The following OPCML variants were observed in gnomAD, a reference collection of about 807,000 sequenced individuals.
The protein encoded by OPCML is opioid-binding protein/cell adhesion molecule.
Under a neutral mutation model 37.8 loss-of-function variants are expected in OPCML, and 13 were observed. The observed-to-expected ratio is 0.34, with a 90% CI of 0.22 to 0.55. OPCML has a LOEUF of 0.55. Ranked by LOEUF, OPCML falls within the 20% of genes least tolerant of loss-of-function variation. The probability of loss-of-function intolerance (pLI) is 0.91; values close to 1 mark genes in which losing one functional copy is unlikely to be tolerated. For synonymous variants in OPCML, 176 were observed against 168.8 expected (o/e 1.04, Z -0.33); for missense variants, 341 against 435.6 (o/e 0.78, Z 1.93).
At chr11:133,180,239 G>A (rs1472405368) in intron 1 of OPCML, among the ~76,000 whole-genome samples, 10 of 152,200 alleles carry the variant, frequency 6.6e-5, no homozygotes, top group East Asian at 1.9e-4. Context: ...CTGCCGTAGC[G>A]GACCCTCACG....
intron 2 of OPCML, among the ~76,000 whole-genome samples, chr11:132,877,192 T>G (rs1308861750): frequency 6.6e-6 from 1 of 152,142 alleles, no homozygotes; most frequent in African/African-American, 2.4e-5. Flanking sequence ...AATGTGAGAT[T>G]CATCTTTTCA....
intron 1 of OPCML, among the ~76,000 whole-genome samples, chr11:133,495,558 A>C (rs1947767525): frequency 2.0e-5 from 3 of 152,162 alleles, no homozygotes; most frequent in Non-Finnish European, 4.4e-5. Context: ...CATCCACACC[A>C]GCATCTACCG....
At chr11:132,501,130 A>G (rs569100627) in intron 4 of OPCML, among the ~76,000 whole-genome samples, 18 of 152,348 alleles carry the variant, frequency 1.2e-4, no homozygotes, top group African/African-American at 3.8e-4. Context: ...GAATCACCAC[A>G]CTGTCTTCCT....
intron 1 of OPCML, chr11:133,532,051 G>T: frequency 3.1e-6 from 1 of 318,582 alleles, no homozygotes; most frequent in Non-Finnish European, 4.5e-6. Context: ...CCGGAACAGA[G>T]AGCAAATCCC....
chr11:133,442,691 C>G (rs140751827), intron 1 of OPCML, among the ~76,000 whole-genome samples: 3 of 148,640 alleles, frequency 2.0e-5, no homozygotes, highest in Non-Finnish European at 4.4e-5. Context: ...CCTACTGTTC[C>G]CTGAAAAACG....
chr11:133,224,016 TG>T (rs1946875245), intron 1 of OPCML, among the ~76,000 whole-genome samples: 1 of 152,084 alleles, frequency 6.6e-6, no homozygotes, highest in Non-Finnish European at 1.5e-5. Context: ...GTGGTGGTGA[TG>T]GTAGGGAGCT....
At chr11:132,571,104 T>A (rs2096437378) in intron 3 of OPCML, among the ~76,000 whole-genome samples, 1 of 151,692 alleles carries the variant, frequency 6.6e-6, no homozygotes, top group African/African-American at 2.4e-5. Context: ...CCTTGCTGAG[T>A]CTTCTGGCTT....
At chr11:133,355,188 T>G (rs1944255424) in intron 1 of OPCML, among the ~76,000 whole-genome samples, 1 of 152,226 alleles carries the variant, frequency 6.6e-6, no homozygotes, top group East Asian at 1.9e-4. Flanking sequence ...CTTTTCAAAT[T>G]AAATGTAATA....
At chr11:133,010,932 T>C (rs143692595) in intron 1 of OPCML, among the ~76,000 whole-genome samples, 1 of 152,338 alleles carries the variant, frequency 6.6e-6, no homozygotes, top group African/African-American at 2.4e-5. Flanking sequence ...AAGTTCGTAA[T>C]AAGTTCACAT....
chr11:133,446,630 C>G (rs1946479397), intron 1 of OPCML, among the ~76,000 whole-genome samples: 1 of 152,174 alleles, frequency 6.6e-6, no homozygotes, highest in South Asian at 2.1e-4. Flanking sequence ...GTGCAACTAT[C>G]ACCACAATTC....
intron 4 of OPCML, among the ~76,000 whole-genome samples, chr11:132,457,248 G>A (rs898930662): frequency 6.6e-6 from 1 of 152,164 alleles, no homozygotes; most frequent in Admixed American, 6.5e-5. Flanking sequence ...AATTGAGCAG[G>A]GCCATGCATG....
At chr11:132,715,987 GA>G (rs935347212) in intron 2 of OPCML, among the ~76,000 whole-genome samples, 4 of 152,014 alleles carry the variant, frequency 2.6e-5, no homozygotes, top group Non-Finnish European at 4.4e-5. Context: ...ATGTTTCTTA[GA>G]AAAAAAATTC....
In OPCML at chr11:132,689,989, G is replaced by A. The variant is rs541445622; in HGVS notation, c.147-32670C>T. 5.1e-4 allele frequency among the ~76,000 whole-genome samples: 77 copies of A among 152,280 alleles called. No individual in the cohort carries two copies. In the South Asian group the frequency reaches 0.016, roughly 32 times the overall value. On this transcript the variant is annotated intron_variant, in intron 2 of 7. Transcript: ENST00000524381. ...ACTTACTTTATGTATGTAAACAGAA[G>A]CAACATTCTAAACAAGTTTCGTGGA...
At chr11:132,983,071 G>A (rs867988894) in intron 1 of OPCML, among the ~76,000 whole-genome samples, 6 of 152,164 alleles carry the variant, frequency 3.9e-5, no homozygotes, top group South Asian at 2.1e-4. Flanking sequence ...TCCTGTCTCT[G>A]AACAGCTGCT....
chr11:133,003,976 G>C, intron 1 of OPCML: 1 of 985,424 alleles, frequency 1.0e-6, no homozygotes, highest in South Asian at 4.7e-5. Flanking sequence ...CAGATCCCTC[G>C]AGAAGTCCCT....
At chr11:133,210,867 G>A (rs1939327068) in intron 1 of OPCML, among the ~76,000 whole-genome samples, 2 of 152,090 alleles carry the variant, frequency 1.3e-5, no homozygotes, top group Admixed American at 6.5e-5. Context: ...GTAGTGCCTG[G>A]TACAGAGGTG....
chr11:133,065,332 C>A (rs1239478278), intron 1 of OPCML: 4 of 152,168 alleles, frequency 2.6e-5, no homozygotes, highest in Non-Finnish European at 4.4e-5. Context: ...GTGCCGATGA[C>A]GTGGCCCCCG....
chr11:132,662,334 T>G (rs1336257110), intron 2 of OPCML, among the ~76,000 whole-genome samples: 1 of 151,334 alleles, frequency 6.6e-6, no homozygotes, highest in Non-Finnish European at 1.5e-5. Context: ...ATCAAAATAA[T>G]CACTGAAAAT....
At chr11:133,277,804 A>G (rs567912698) in intron 1 of OPCML, among the ~76,000 whole-genome samples, 1 of 152,116 alleles carries the variant, frequency 6.6e-6, no homozygotes, top group South Asian at 2.1e-4. Flanking sequence ...CATATAATGT[A>G]TGTAACATAA....
Sources: gnomAD v4.1 joint callset for allele counts (sites outside exome capture counted in the v4.1 genomes callset) on GRCh38, gnomAD v4.1.1 for gene constraint, MANE v1.5 for transcripts, NCBI Gene and HGNC (gene_info 2026-07-23, HGNC 2026-07-21) for gene names.